Variants in SCAF8 observed in about 807,000 individuals in gnomAD.
The protein encoded by SCAF8 is SR-related and CTD-associated factor 8.
A neutral mutation model predicts 140.5 loss-of-function variants in SCAF8; 23 were observed. That is an observed-to-expected ratio of 0.16 (90% CI 0.12 to 0.23). The LOEUF (loss-of-function observed/expected upper bound fraction) is 0.23. Among genes scored for constraint, SCAF8 ranks in the 10% least tolerant of loss-of-function variants. SCAF8 has a pLI of 1.00. For synonymous variants in SCAF8, 575 were observed against 528.9 expected (o/e 1.09, Z -1.20); for missense variants, 1,397 against 1,555.7 (o/e 0.90, Z 1.72).
At position 154,815,757 on chromosome 6, in the gene SCAF8, G is replaced by A; in HGVS notation, c.1462G>A (p.Ala488Thr). The change falls in exon 13 of 20, where the codon GCA becomes ACA. Residue 488 changes from alanine to threonine, a missense_variant. This residue lies in a region of SCAF8 where 59 missense variants were observed against 110.7 expected (regional missense o/e 0.53). Transcript: ENST00000367178. ...CTGGGTTGGGCAAGTGGACAAGAAG[G>A]CAACACAGCAAGACTTAACCAACCT... is the stretch of plus-strand genomic sequence containing the variant. ...TLWVGQVDKK[A>T]TQQDLTNLFE... 1 of 1,613,140 alleles carries A rather than the reference G, an allele frequency of 6.2e-7. No homozygotes were observed.
intron 1 of SCAF8, among the ~76,000 whole-genome samples, chr6:154,756,736 C>T (rs776828554): frequency 3.9e-5 from 6 of 152,052 alleles, no homozygotes; most frequent in Non-Finnish European, 7.4e-5. Flanking sequence ...CATTGAAATA[C>T]GTTCTTTAAG....
intron 3 of SCAF8, among the ~76,000 whole-genome samples, chr6:154,781,318 C>T (rs1048355310): frequency 1.3e-5 from 2 of 152,070 alleles, no homozygotes; most frequent in African/African-American, 2.4e-5. Context: ...ATCTACAAAC[C>T]ACTGCTCAAG....
chr6:154,780,436 A>G (rs1228706066), intron 3 of SCAF8, among the ~76,000 whole-genome samples: 1 of 149,770 alleles, frequency 6.7e-6, no homozygotes, highest in Non-Finnish European at 1.5e-5. Flanking sequence ...TACCTGTGCC[A>G]TGGTGGTTTG....
At chr6:154,751,856 C>G (rs1397055150) in intron 1 of SCAF8, among the ~76,000 whole-genome samples, 1 of 152,098 alleles carries the variant, frequency 6.6e-6, no homozygotes, top group African/African-American at 2.4e-5. Flanking sequence ...TCCTCTCCTC[C>G]TCGTAGAACA....
Position 154,810,358 on chromosome 6 carries a change from TAGAG to T in SCAF8, c.1420+152_1420+155del, listed in dbSNP as rs199817554. The T allele has an allele frequency of 5.6e-3, 3,111 of 557,078 alleles. 80 individuals are homozygous for T. The highest frequency in any genetic ancestry group is 0.054 in the African/African-American group (2,762 of 50,810). The allele number at this position is 557,078 out of a possible 1,614,324, so 34.5% of individuals were successfully genotyped here. ...AATGTCTCTGGTTTTTGTAACATGA[TAGAG>T]AAGAGAAGAAGAAGGAAGAACAGAT... On this transcript the variant is annotated intron_variant, in intron 12 of 19. Coordinates refer to ENST00000367178, the MANE Select transcript of SCAF8 (RefSeq NM_014892.5).
Position 154,823,185 on chromosome 6 carries a change from T to G in SCAF8, c.1926+776T>G, listed in dbSNP as rs142691929. On this transcript the variant is annotated intron_variant, in intron 16 of 19. Coordinates refer to ENST00000367178, the MANE Select transcript of SCAF8 (RefSeq NM_014892.5). Reference sequence around the variant, plus strand: ...TAAAGCCAGTCCTCTCTAAGGACTTTGGCTTTCACTTGGAATGAGATGGAT... The same window carrying G: ...TAAAGCCAGTCCTCTCTAAGGACTTGGGCTTTCACTTGGAATGAGATGGAT... Among the ~76,000 whole-genome samples the G allele has an allele frequency of 3.3e-5, 5 of 152,336 alleles. No homozygotes were observed. The East Asian group carries it at 9.6e-4, about 29-fold the overall frequency.
chr6:154,807,244 G>A (rs1216496164), intron 9 of SCAF8, among the ~76,000 whole-genome samples: 1 of 152,162 alleles, frequency 6.6e-6, no homozygotes, highest in Non-Finnish European at 1.5e-5. Flanking sequence ...CAAAAAGAGA[G>A]AACTCTGGGC....
intron 3 of SCAF8, among the ~76,000 whole-genome samples, chr6:154,784,799 G>C (rs1335932796): frequency 6.6e-6 from 1 of 152,198 alleles, no homozygotes; most frequent in African/African-American, 2.4e-5. Context: ...GCTACTGAAG[G>C]ACAACTGTAT....
At chr6:154,822,865 T>G (rs958523084) in intron 16 of SCAF8, among the ~76,000 whole-genome samples, 2 of 152,138 alleles carry the variant, frequency 1.3e-5, no homozygotes, top group African/African-American at 4.8e-5. Flanking sequence ...CCCCCAGAAA[T>G]CTCTGCCCTT....
chr6:154,762,755 T>C lies in SCAF8; in HGVS notation c.31-11234T>C, dbSNP rs188072673. Among the ~76,000 whole-genome samples the C allele has an allele frequency of 1.5e-4, 23 of 152,354 alleles. No individual in the cohort carries two copies. In the East Asian group the frequency reaches 1.9e-3, roughly 13 times the overall value. ...GTTTCATTACTATCACTTATAAATA[T>C]ACCCATATTATTTCTGATTATAAAA... On this transcript the variant is annotated intron_variant, in intron 1 of 19. Transcript: ENST00000367178.
At chr6:154,757,098 C>T (rs1277358666) in intron 1 of SCAF8, among the ~76,000 whole-genome samples, 1 of 152,022 alleles carries the variant, frequency 6.6e-6, no homozygotes, top group Non-Finnish European at 1.5e-5. Context: ...CAACCTCTGT[C>T]TTCTGGGTTC....
At chr6:154,761,782 G>A (rs1776409221) in intron 1 of SCAF8, among the ~76,000 whole-genome samples, 1 of 151,922 alleles carries the variant, frequency 6.6e-6, no homozygotes, top group African/African-American at 2.4e-5. Flanking sequence ...GTTTTGAAAG[G>A]AGTTTTTATT....
chr6:154,739,769 CTTTAT>C (rs1408184881), intron 1 of SCAF8, among the ~76,000 whole-genome samples: 2 of 152,140 alleles, frequency 1.3e-5, no homozygotes, highest in African/African-American at 4.8e-5. Context: ...CCCATCTCCA[CTTTAT>C]TTTACTTCCA....
intron 17 of SCAF8, chr6:154,825,094 C>A (rs797006015): frequency 6.6e-6 from 1 of 152,048 alleles, no homozygotes; most frequent in South Asian, 2.1e-4. Flanking sequence ...CAGTAGGCTC[C>A]ATTTTGACAT....
intron 16 of SCAF8, among the ~76,000 whole-genome samples, chr6:154,823,170 CCTCT>C (rs901888141): frequency 2.6e-5 from 4 of 152,114 alleles, no homozygotes; most frequent in African/African-American, 9.7e-5. Context: ...TAAAGCCAGT[CCTCT>C]CTAAGGACTT....
At chr6:154,805,886 A>G (rs1777899605) in intron 9 of SCAF8, among the ~76,000 whole-genome samples, 1 of 152,158 alleles carries the variant, frequency 6.6e-6, no homozygotes, top group Non-Finnish European at 1.5e-5. Flanking sequence ...GGTGACAATG[A>G]TGATGGCCAT....
intron 1 of SCAF8, among the ~76,000 whole-genome samples, chr6:154,770,925 A>T (rs1051439358): frequency 6.6e-6 from 1 of 152,064 alleles, no homozygotes; most frequent in Non-Finnish European, 1.5e-5. Context: ...TTGCACTTTT[A>T]GTAGAGATGG....
At chr6:154,734,104 G>C (rs1040183680) in intron 1 of SCAF8, among the ~76,000 whole-genome samples, 174 bp downstream of exon 1, 1 of 152,196 alleles carries the variant, frequency 6.6e-6, no homozygotes, top group Admixed American at 6.5e-5. Context: ...CCTCCCCCGG[G>C]TCCGGGAGGA....
intron 5 of SCAF8, among the ~76,000 whole-genome samples, chr6:154,794,015 G>A (rs996002600): frequency 4.0e-5 from 6 of 151,816 alleles, no homozygotes; most frequent in Admixed American, 1.3e-4. Flanking sequence ...TCGACCTCCT[G>A]GCTTCTAGTG....
Sources: allele counts gnomAD v4.1 joint callset (sites outside exome capture counted in the v4.1 genomes callset), GRCh38; gene constraint gnomAD v4.1.1; regional missense constraint gnomAD v4.1.1; transcripts MANE v1.5; gene names NCBI Gene and HGNC (gene_info 2026-07-23, HGNC 2026-07-21).